NEBL: variants seen among roughly 807,000 people sequenced by gnomAD.
NEBL encodes the protein nebulette, also known as LIM and SH3 protein 2.
NEBL carries 122 observed loss-of-function variants against 140.2 expected under a neutral mutation model. The observed-to-expected ratio is 0.87, with a 90% CI of 0.75 to 1.01. NEBL has a LOEUF of 1.01. Among genes scored for constraint, NEBL ranks in the 50% least tolerant of loss-of-function variants. The pLI is 0.00. For missense variants in NEBL, 1,365 were observed against 1,231.3 expected (o/e 1.11, Z -1.62); for synonymous variants, 436 against 398.9 (o/e 1.09, Z -1.11).
intron 19 of NEBL, among the ~76,000 whole-genome samples, chr10:20,820,036 G>A (rs1839143613): frequency 6.6e-6 from 1 of 152,018 alleles, no homozygotes; most frequent in Non-Finnish European, 1.5e-5. Context: ...TTTCTTCATA[G>A]CACTAAAGCA....
chr10:20,977,586 C>T (rs1836856321), intron 3 of NEBL, among the ~76,000 whole-genome samples: 1 of 151,956 alleles, frequency 6.6e-6, no homozygotes, highest in Non-Finnish European at 1.5e-5. Flanking sequence ...GAGGAGCTGC[C>T]CAGATGAAAG....
intron 3 of NEBL, among the ~76,000 whole-genome samples, chr10:21,203,146 G>T (rs1286455262): frequency 1.3e-5 from 2 of 152,152 alleles, no homozygotes; most frequent in African/African-American, 2.4e-5. Flanking sequence ...TTAAAAATCA[G>T]CCTTTATTAA....
intron 1 of NEBL, among the ~76,000 whole-genome samples, chr10:21,278,459 A>G (rs970435097): frequency 6.6e-6 from 1 of 152,130 alleles, no homozygotes; most frequent in Non-Finnish European, 1.5e-5. Flanking sequence ...AATGAAAAGT[A>G]AACTGGTGTG....
intron 2 of NEBL, among the ~76,000 whole-genome samples, chr10:21,144,956 TAA>T (rs34036235): frequency 2.6e-3 from 316 of 123,156 alleles, no homozygotes; most frequent in African/African-American, 7.4e-3. Context: ...CCCTTCAAAT[TAA>T]AAAAAAAAAA....
intron 16 of NEBL, among the ~76,000 whole-genome samples, chr10:20,829,603 A>G (rs935623855): frequency 3.9e-5 from 6 of 152,174 alleles, no homozygotes; most frequent in African/African-American, 1.4e-4. Context: ...AAAATTAAAA[A>G]AAAAGAAAGG....
intron 2 of NEBL, among the ~76,000 whole-genome samples, chr10:21,118,833 C>A (rs1461220871): frequency 1.3e-5 from 2 of 152,158 alleles, no homozygotes; most frequent in East Asian, 3.9e-4. Context: ...GGATGTTGTA[C>A]TTCAGCACAA....
intron 26 of NEBL, chr10:20,804,402 C>T (rs77698507): frequency 0.031 from 4,707 of 152,240 alleles, 151 homozygotes; most frequent in East Asian, 0.13. Context: ...GGATCATTTG[C>T]TTTATCAACC....
intron 4 of NEBL, among the ~76,000 whole-genome samples, chr10:20,953,965 C>G (rs945365127): frequency 6.7e-6 from 1 of 148,970 alleles, no homozygotes; most frequent in African/African-American, 2.5e-5. Context: ...GGCAGATATT[C>G]CAGAAAAGAT....
At chr10:20,888,486 G>A (rs1846731154) in intron 3 of NEBL, among the ~76,000 whole-genome samples, 1 of 152,226 alleles carries the variant, frequency 6.6e-6, no homozygotes, top group Admixed American at 6.5e-5. Context: ...ATCTATTTGT[G>A]TATATTGACA....
At chr10:20,954,375 T>G (rs905637307) in intron 4 of NEBL, among the ~76,000 whole-genome samples, 1 of 152,194 alleles carries the variant, frequency 6.6e-6, no homozygotes, top group Non-Finnish European at 1.5e-5. Flanking sequence ...TGGGTCTGTA[T>G]AGAAAAAAAG....
intron 2 of NEBL, among the ~76,000 whole-genome samples, chr10:21,091,347 C>T (rs1270274608): frequency 1.3e-5 from 2 of 152,134 alleles, no homozygotes; most frequent in Non-Finnish European, 2.9e-5. Context: ...CTTAAGAGTT[C>T]ATGTGTCTGG....
At chr10:21,064,977 A>C (rs1835471399) in intron 2 of NEBL, among the ~76,000 whole-genome samples, 1 of 152,164 alleles carries the variant, frequency 6.6e-6, no homozygotes, top group Non-Finnish European at 1.5e-5. Context: ...AGGGTATTGT[A>C]ACTGGTTTTA....
At chr10:20,840,951 A>T in intron 12 of NEBL, 102 bp from the exon 13 acceptor site, 1 of 742,870 alleles carries the variant, frequency 1.3e-6, no homozygotes, top group Non-Finnish European at 2.3e-6. Flanking sequence ...AGAAAATATT[A>T]CTAGGAAGGA....
chr10:20,822,273 C>T (rs1163641554), intron 19 of NEBL, among the ~76,000 whole-genome samples: 2 of 152,024 alleles, frequency 1.3e-5, no homozygotes, highest in African/African-American at 4.8e-5. Context: ...ACAGAGAAGA[C>T]ATTCAATAAC....
chr10:20,829,880 A>C (rs969324824), intron 16 of NEBL, among the ~76,000 whole-genome samples: 1 of 152,188 alleles, frequency 6.6e-6, no homozygotes, highest in Non-Finnish European at 1.5e-5. Context: ...GAGCAAAGCC[A>C]TGTCTAGTTT....
At chr10:20,875,458 T>C (rs1845404169) in intron 5 of NEBL, among the ~76,000 whole-genome samples, 1 of 152,168 alleles carries the variant, frequency 6.6e-6, no homozygotes, top group Non-Finnish European at 1.5e-5. Flanking sequence ...ATATGAGATT[T>C]TGAAAGTGGA....
intron 2 of NEBL, among the ~76,000 whole-genome samples, chr10:21,137,972 G>A (rs1411502392): frequency 6.6e-6 from 1 of 151,356 alleles, no homozygotes; most frequent in Non-Finnish European, 1.5e-5. Flanking sequence ...GGAATGGAAA[G>A]GAAGAAAGGA....
intron 2 of NEBL, among the ~76,000 whole-genome samples, chr10:21,095,922 G>C (rs1420629028): frequency 2.6e-5 from 4 of 152,142 alleles, no homozygotes; most frequent in Admixed American, 1.3e-4. Context: ...TAACTAGACT[G>C]GATAAGTCAT....
intron 2 of NEBL, among the ~76,000 whole-genome samples, chr10:21,130,559 GA>G (rs1371466852): frequency 6.6e-6 from 1 of 151,922 alleles, no homozygotes; most frequent in Non-Finnish European, 1.5e-5. Flanking sequence ...AGATCACAAT[GA>G]AATTAAACTA....
Sources: gnomAD v4.1 joint callset for allele counts (sites outside exome capture counted in the v4.1 genomes callset) on GRCh38, gnomAD v4.1.1 for gene constraint, MANE v1.5 for transcripts, NCBI Gene and HGNC (gene_info 2026-07-23, HGNC 2026-07-21) for gene names.